The following CEMIP2 variants were observed in gnomAD, a reference collection of about 807,000 sequenced individuals.
CEMIP2 encodes the protein cell surface hyaluronidase CEMIP2.
CEMIP2 carries 79 observed loss-of-function variants against 146.9 expected under a neutral mutation model. The observed-to-expected ratio is 0.54, with a 90% CI of 0.45 to 0.65. The LOEUF (loss-of-function observed/expected upper bound fraction) is 0.65. Ranked by LOEUF, CEMIP2 falls within the 30% of genes least tolerant of loss-of-function variation. The probability of loss-of-function intolerance (pLI) is 0.00; values close to 1 mark genes in which losing one functional copy is unlikely to be tolerated. For missense variants in CEMIP2, 1,596 were observed against 1,696.2 expected, an observed-to-expected ratio of 0.94 and a Z score of 1.04; for synonymous variants, 601 against 606.3, an observed-to-expected ratio of 0.99 and a Z score of 0.13.
At chr9:71,736,536 T>C (rs2131982608) in intron 5 of CEMIP2, among the ~76,000 whole-genome samples, 1 of 152,234 alleles carries the variant, frequency 6.6e-6, no homozygotes, top group East Asian at 1.9e-4. Context: ...ATGTAAATTA[T>C]GTAATCTAAT....
rs958730545 is a variant in CEMIP2 at position 71,704,479 on chromosome 9, G to A, written c.3194+116C>T. On this transcript the variant is annotated intron_variant, in intron 18 of 23. Coordinates refer to ENST00000377044, the MANE Select transcript of CEMIP2 (RefSeq NM_013390.3). ...AATATACAGCCTCCCCACAAGAGAA[G>A]CAAAGTATGTAAAATTGGCTTTCTT... The A allele has an allele frequency of 4.8e-6, 5 of 1,036,274 alleles. No individual in the cohort carries two copies. In the African/African-American group the frequency reaches 6.4e-5, roughly 13 times the overall value. The allele number at this position is 1,036,274 out of a possible 1,614,324, so 64.2% of individuals were successfully genotyped here. A position where few individuals can be genotyped will look rare whatever the true frequency, so the allele number is the denominator to read the frequency against.
At chr9:71,767,352 G>A (rs1824827657) in intron 1 of CEMIP2, among the ~76,000 whole-genome samples, 1 of 152,148 alleles carries the variant, frequency 6.6e-6, no homozygotes, top group South Asian at 2.1e-4. Flanking sequence ...ACATGCAACT[G>A]TGCAGCAGCG....
chr9:71,710,730 A>G (rs142726708), intron 16 of CEMIP2, among the ~76,000 whole-genome samples: 1,885 of 152,292 alleles, frequency 0.012, 20 homozygotes, highest in South Asian at 0.03. Flanking sequence ...CAGTAAGGAA[A>G]CAGCAAGTCT....
At chr9:71,721,497 T>C (rs767099017) in intron 12 of CEMIP2, among the ~76,000 whole-genome samples, 7 of 152,252 alleles carry the variant, frequency 4.6e-5, no homozygotes, top group Non-Finnish European at 5.9e-5. Context: ...AACTTGATGT[T>C]TGAGGAATCC....
chr9:71,746,091 C>G, intron 3 of CEMIP2, 110 bp downstream of exon 3: 1 of 1,257,652 alleles, frequency 8.0e-7, no homozygotes, highest in Non-Finnish European at 1.1e-6. Flanking sequence ...AGTGACACCA[C>G]AAACTAAAGC....
rs762710217 is a variant in CEMIP2 at position 71,712,107 on chromosome 9, G to A, written c.2745C>T (p.Ile915=). Residue 915 remains isoleucine (I), a synonymous_variant, in exon 16 of 24, where the codon ATC becomes ATT. Coordinates refer to ENST00000377044, the MANE Select transcript of CEMIP2 (RefSeq NM_013390.3). ...CATGTGGACCAAACTTCACGAGGGAGATATTATTCCTGGGGGTTATCTGCC... is the reference window on the plus strand; with the variant it reads ...CATGTGGACCAAACTTCACGAGGGAAATATTATTCCTGGGGGTTATCTGCC... ...NSWQITPRNN[I]SLVKFGPHVS... is the part of the protein sequence containing the mutation. 3.8e-5 allele frequency: 62 copies of A among 1,614,004 alleles called. No homozygotes were observed. The highest frequency in any genetic ancestry group is 5.2e-5 in the Non-Finnish European group (61 of 1,180,010).
chr9:71,722,555 C>A, intron 11 of CEMIP2, 40 bp from the exon 12 acceptor site: 1 of 1,453,528 alleles, frequency 6.9e-7, no homozygotes, highest in South Asian at 1.2e-5. Context: ...AATATGAATC[C>A]CAACTTACAA....
intron 16 of CEMIP2, among the ~76,000 whole-genome samples, chr9:71,709,913 T>TA (rs1456902585): frequency 1.3e-5 from 2 of 152,114 alleles, no homozygotes; most frequent in East Asian, 1.9e-4. Flanking sequence ...CTCAATGAAA[T>TA]AAAAAATCTA....
At chr9:71,689,732 C>T (rs1822171418) in intron 22 of CEMIP2, among the ~76,000 whole-genome samples, 1 of 152,132 alleles carries the variant, frequency 6.6e-6, no homozygotes, top group African/African-American at 2.4e-5. Flanking sequence ...CAAAGTATAT[C>T]AACTTAATAC....
At chr9:71,748,757 T>G (rs1824161416) in intron 2 of CEMIP2, among the ~76,000 whole-genome samples, 1 of 152,248 alleles carries the variant, frequency 6.6e-6, no homozygotes, top group South Asian at 2.1e-4. Flanking sequence ...AGGATATTAA[T>G]GTGCATGTCT....
intron 16 of CEMIP2, among the ~76,000 whole-genome samples, 161 bp from the exon 17 acceptor site, chr9:71,709,635 AG>A (rs1822849858): frequency 6.6e-6 from 1 of 152,172 alleles, no homozygotes. Context: ...AGTCAGCCTG[AG>A]TTTTCTACTC....
intron 1 of CEMIP2, among the ~76,000 whole-genome samples, chr9:71,766,336 G>A (rs955548670): frequency 6.6e-6 from 1 of 152,044 alleles, no homozygotes; most frequent in African/African-American, 2.4e-5. Context: ...GCCTCCCAAA[G>A]TGCTGGGATT....
At chr9:71,705,133 CA>C (rs34244863) in intron 17 of CEMIP2, among the ~76,000 whole-genome samples, 67,842 of 151,460 alleles carry the variant, frequency 0.45, 17,933 homozygotes, top group Non-Finnish European at 0.6. Context: ...AACACACATA[CA>C]AAAAAAAATT....
chr9:71,702,193 G>T (rs191247608), intron 18 of CEMIP2, among the ~76,000 whole-genome samples: 1 of 150,418 alleles, frequency 6.6e-6, no homozygotes, highest in East Asian at 2.0e-4. Context: ...AGGAGGCGGA[G>T]GTTGCAGTGA....
chr9:71,688,823 C>T (rs1346659114), intron 22 of CEMIP2, among the ~76,000 whole-genome samples: 1 of 152,106 alleles, frequency 6.6e-6, no homozygotes, highest in East Asian at 1.9e-4. Context: ...ACCCCGCAAC[C>T]CTATACACAT....
At chr9:71,732,545 A>G (rs1823649895) in intron 6 of CEMIP2, 25 bp from the exon 7 acceptor site, 3 of 1,567,444 alleles carry the variant, frequency 1.9e-6, no homozygotes, top group Non-Finnish European at 2.6e-6. Context: ...CAAGGAAAAA[A>G]AAGAATATTA....
intron 3 of CEMIP2, 76 bp from the exon 4 acceptor site, chr9:71,745,655 G>T: frequency 1.4e-6 from 2 of 1,394,684 alleles, no homozygotes; most frequent in Non-Finnish European, 1.9e-6. Flanking sequence ...TTCACCTTAA[G>T]TTAAATACAC....
chr9:71,745,922 G>GC (rs1824073799), intron 3 of CEMIP2, among the ~76,000 whole-genome samples: 1 of 152,122 alleles, frequency 6.6e-6, no homozygotes, highest in Non-Finnish European at 1.5e-5. Flanking sequence ...CAAAAATTTA[G>GC]CTCTGAGAGA....
At chr9:71,728,707 T>TA (rs1475007265) in intron 10 of CEMIP2, among the ~76,000 whole-genome samples, 3 of 152,060 alleles carry the variant, frequency 2.0e-5, no homozygotes, top group Admixed American at 6.6e-5. Context: ...TATAAAGCCT[T>TA]ACATTCAACA....
Sources: allele counts gnomAD v4.1 joint callset (sites outside exome capture counted in the v4.1 genomes callset), GRCh38; gene constraint gnomAD v4.1.1; transcripts MANE v1.5; gene names NCBI Gene and HGNC (gene_info 2026-07-23, HGNC 2026-07-21).